The following FAM161A variants were observed in gnomAD, a reference collection of about 807,000 sequenced individuals.
The protein encoded by FAM161A is FAM161 centrosomal protein A.
Under a neutral mutation model 70.9 loss-of-function variants are expected in FAM161A, and 57 were observed. The observed-to-expected ratio is 0.80, with a 90% CI of 0.65 to 1.00. FAM161A has a LOEUF of 1.00. FAM161A is among the 50% of genes least tolerant of loss of function. FAM161A has a pLI of 0.00. For missense variants in FAM161A, 880 were observed against 836.0 expected (o/e 1.05, Z -0.65); for synonymous variants, 299 against 295.7 (o/e 1.01, Z -0.12).
At chr2:61,835,055 CA>C (rs1672721947) in intron 5 of FAM161A, among the ~76,000 whole-genome samples, 1 of 152,106 alleles carries the variant, frequency 6.6e-6, no homozygotes, top group African/African-American at 2.4e-5. Context: ...GATCAGTGAG[CA>C]AAAAGATTAC....
At chr2:61,803,226 C>A in the FAM161A span, 2 of 595,954 alleles carry the variant, frequency 3.4e-6, no homozygotes, top group Non-Finnish European at 6.3e-6. Flanking sequence ...TGTATAAGAC[C>A]ACACTGGATG....
chr2:61,839,769 G>A lies in FAM161A; in HGVS notation c.1235C>T (p.Pro412Leu), dbSNP rs772180075. Residue 412 changes from proline (P) to leucine (L), a missense_variant, in exon 3 of 7, where the codon CCT becomes CTT. By Grantham distance (98) the Pro-to-Leu change is moderately conservative (BLOSUM62 -3). Coordinates refer to ENST00000404929, the MANE Select transcript of FAM161A (RefSeq NM_001201543.2). The stretch of plus-strand genomic sequence containing the variant: ...ACACTTCAACTTTACAGCCTGTTCA[G>A]GACACCTGGGGTTCCTGCATCCACA... Reference protein sequence around the residue: ...SACGCRNPRCPEQAVKLKCKH... With the variant: ...SACGCRNPRCLEQAVKLKCKH... 4.3e-6 allele frequency: 7 copies of A among 1,614,000 alleles called. No individual in the cohort carries two copies. In the South Asian group the frequency reaches 5.5e-5, roughly 13 times the overall value.
At chr2:61,819,795 T>C in the FAM161A span, among the ~76,000 whole-genome samples, 1 of 152,202 alleles carries the variant, frequency 6.6e-6, no homozygotes, top group Non-Finnish European at 1.5e-5. Flanking sequence ...CTGAGCATTA[T>C]TATAGTGCAA....
the FAM161A span, among the ~76,000 whole-genome samples, chr2:61,803,751 T>C: frequency 3.9e-5 from 6 of 152,060 alleles, no homozygotes; most frequent in Non-Finnish European, 7.4e-5. Context: ...GACATGGAGG[T>C]TGCAGTGAGC....
Position 61,825,969 on chromosome 2 carries a change from A to C in FAM161A, c.*486T>G, listed in dbSNP as rs1354495497. ...TATACTTTTAAAAATGGCTCAGAGC[A>C]GCAAAACAAGTTAGAGGATTTATTC... On this transcript the variant is annotated 3_prime_UTR_variant, in exon 7 of 7. Coordinates refer to ENST00000404929, the MANE Select transcript of FAM161A (RefSeq NM_001201543.2). The C allele has an allele frequency of 4.4e-6, 2 of 454,062 alleles. No homozygotes were observed. The highest frequency in any genetic ancestry group is 3.1e-5 in the South Asian group (2 of 64,482). 28.1% of individuals were successfully genotyped at this position (454,062 alleles called of 1,614,324 possible).
At chr2:61,811,628 C>G in the FAM161A span, among the ~76,000 whole-genome samples, 1 of 152,136 alleles carries the variant, frequency 6.6e-6, no homozygotes, top group Non-Finnish European at 1.5e-5. Flanking sequence ...CTACCTCGGC[C>G]TCCCAAAGTG....
rs375275247 is a variant in FAM161A, at chr2:61,826,644, G to A, written c.2007-45C>T. 50 of 1,555,924 alleles carry A rather than the reference G, an allele frequency of 3.2e-5. No individual in the cohort carries two copies. The Middle Eastern group carries it at 8.6e-4, about 27-fold the overall frequency. ...AATCTTTCAAAGGAAAAATGAGTTGGTTTAAAGGTAAACAAACCCTCTGCA... is the reference window on the plus strand; with the variant it reads ...AATCTTTCAAAGGAAAAATGAGTTGATTTAAAGGTAAACAAACCCTCTGCA... On this transcript the variant is annotated intron_variant, in intron 6 of 6. Coordinates refer to ENST00000404929, the MANE Select transcript of FAM161A (RefSeq NM_001201543.2).
At chr2:61,834,774 G>C (rs770069452) in intron 5 of FAM161A, among the ~76,000 whole-genome samples, 2 of 151,748 alleles carry the variant, frequency 1.3e-5, no homozygotes, top group Non-Finnish European at 2.9e-5. Flanking sequence ...GCATACCCTT[G>C]TAACAAACCT....
chr2:61,816,120 G>T, the FAM161A span, among the ~76,000 whole-genome samples: 45 of 152,118 alleles, frequency 3.0e-4, no homozygotes, highest in Non-Finnish European at 4.7e-4. Context: ...TGGATCTTTG[G>T]GTGGCAGTGA....
At position 61,825,001 on chromosome 2, in the gene FAM161A, C is replaced by T. The variant is rs773536657; in HGVS notation, c.*1454G>A. The T allele has an allele frequency of 6.6e-6, 3 of 453,174 alleles. No homozygotes were observed. Among genetic ancestry groups the T allele is most frequent in the South Asian group, 4.7e-5 (3 of 63,940 alleles). 28.1% of individuals were successfully genotyped at this position (453,174 alleles called of 1,614,324 possible). A position where few individuals can be genotyped will look rare whatever the true frequency, so the allele number is the denominator to read the frequency against. On this transcript the variant is annotated 3_prime_UTR_variant, in exon 7 of 7. Transcript: ENST00000404929. Reference sequence around the variant, plus strand: ...ATAGTAAAAAGTAATTTAACACGAACTGTAGGAAGAAAATTACAAGTAAAC... The same window carrying T: ...ATAGTAAAAAGTAATTTAACACGAATTGTAGGAAGAAAATTACAAGTAAAC...
rs138695832 is a variant in FAM161A at position 61,827,764 on chromosome 2, C to T, written c.1852-506G>A. Among the ~76,000 whole-genome samples the T allele has an allele frequency of 3.9e-3, 596 of 152,224 alleles. 5 individuals are homozygous for T. The highest frequency in any genetic ancestry group is 6.0e-3 in the Non-Finnish European group (405 of 68,020). On this transcript the variant is annotated intron_variant, in intron 5 of 6. Transcript: ENST00000404929. ...CCCACATATGAGTCCCAAGGGAGGA[C>T]ATGTTCAAGAATGTTCAGGATAGTA...
intron 1 of FAM161A, among the ~76,000 whole-genome samples, chr2:61,852,642 C>CATGAACAAAATCGGTCCT (rs1673535953): frequency 6.6e-6 from 1 of 152,192 alleles, no homozygotes; most frequent in Non-Finnish European, 1.5e-5. Context: ...GTAGCTTCAT[C>CATGAACAAAATCGGTCCT]ATGAACAAAA....
the FAM161A span, chr2:61,803,074 C>G: frequency 2.9e-6 from 1 of 342,400 alleles, no homozygotes; most frequent in Non-Finnish European, 5.5e-6. Flanking sequence ...CATGAACTAT[C>G]CTAACACATA....
chr2:61,814,372 A>G, the FAM161A span, among the ~76,000 whole-genome samples: 68 of 152,336 alleles, frequency 4.5e-4, no homozygotes, highest in African/African-American at 1.6e-3. Flanking sequence ...AGATATTGTC[A>G]TATCACTGAA....
chr2:61,839,821 A>C lies in FAM161A; in HGVS notation c.1183T>G (p.Ser395Ala). ...QLRAQEHLQN[S>A]SPLPCRSACG... ...GCTGACCTACAAGGCAGAGGAGATG[A>C]GTTCTGTAAATGCTCCTGGGCTCTC... The change falls in exon 3 of 7, where the codon TCA becomes GCA. Residue 395 changes from serine to alanine, a missense_variant. Transcript: ENST00000404929. The C allele has an allele frequency of 6.2e-7, 1 of 1,614,160 alleles. No homozygotes were observed. Among genetic ancestry groups the C allele is most frequent in the Non-Finnish European group, 8.5e-7 (1 of 1,180,028 alleles).
At chr2:61,806,408 G>C in the FAM161A span, among the ~76,000 whole-genome samples, 1 of 152,246 alleles carries the variant, frequency 6.6e-6, no homozygotes, top group Admixed American at 6.5e-5. Flanking sequence ...GGCAGTGATT[G>C]CCCTTGCCCC....
chr2:61,828,997 C>T (rs769330521), intron 5 of FAM161A, among the ~76,000 whole-genome samples: 8 of 152,112 alleles, frequency 5.3e-5, no homozygotes, highest in Non-Finnish European at 1.0e-4. Flanking sequence ...GCTAAGACCT[C>T]CAAGTAAAGC....
the FAM161A span, among the ~76,000 whole-genome samples, chr2:61,817,293 T>C: frequency 6.6e-6 from 1 of 152,158 alleles, no homozygotes; most frequent in Non-Finnish European, 1.5e-5. Context: ...AAGAAAATCC[T>C]GCAGAGAAAC....
chr2:61,807,956 C>T, the FAM161A span, among the ~76,000 whole-genome samples: 32 of 152,174 alleles, frequency 2.1e-4, no homozygotes, highest in Admixed American at 9.2e-4. Context: ...CCATTTTTTG[C>T]CACACAAAGT....
Sources: allele counts gnomAD v4.1 joint callset (sites outside exome capture counted in the v4.1 genomes callset), GRCh38; gene constraint gnomAD v4.1.1; transcripts MANE v1.5; gene names NCBI Gene and HGNC (gene_info 2026-07-23, HGNC 2026-07-21).